The following STAG2 variants were observed in gnomAD, a reference collection of about 807,000 sequenced individuals.
STAG2 encodes cohesin subunit SA-2.
In STAG2, 14 loss-of-function variants were observed where a neutral mutation model predicts 108.1. The ratio of observed to expected loss-of-function variants is 0.13; its 90% confidence interval spans 0.09 to 0.20. STAG2 has a LOEUF of 0.20. Ranked by LOEUF, STAG2 falls within the 10% of genes least tolerant of loss-of-function variation. The pLI, the probability that STAG2 is intolerant of heterozygous loss-of-function variation, is 1.00. For missense variants in STAG2, 440 were observed against 940.9 expected (o/e 0.47, Z 6.96); for synonymous variants, 307 against 302.7 (o/e 1.01, Z -0.15).
At chrX:124,044,066 A>G (rs903703601) in intron 7 of STAG2, among the ~76,000 whole-genome samples, 1 of 111,148 alleles carries the variant, frequency 9.0e-6, no homozygotes, top group South Asian at 3.7e-4. Context: ...ATTCTAAAAG[A>G]TAGATGAGTT....
At chrX:124,050,634 TAAA>T (rs59817792) in intron 11 of STAG2, among the ~76,000 whole-genome samples, 3 of 108,767 alleles carry the variant, frequency 2.8e-5, no homozygotes, top group Non-Finnish European at 5.8e-5. Context: ...GCTATATACT[TAAA>T]AAAAAAATTA....
chrX:124,038,311 G>A (rs866170223), intron 6 of STAG2, among the ~76,000 whole-genome samples: 1 of 110,245 alleles, frequency 9.1e-6, no homozygotes, highest in Admixed American at 9.7e-5. Context: ...TCAAGATTAC[G>A]GGCAGGTTCT....
intron 13 of STAG2, among the ~76,000 whole-genome samples, chrX:124,053,231 A>G (rs894852541): frequency 8.9e-6 from 1 of 112,589 alleles, no homozygotes; most frequent in Admixed American, 9.4e-5. Flanking sequence ...GAGAGAGTTA[A>G]AAATCAGAGC....
intron 1 of STAG2, among the ~76,000 whole-genome samples, chrX:123,986,179 A>G (rs1200789937): frequency 9.3e-6 from 1 of 107,392 alleles, no homozygotes; most frequent in Non-Finnish European, 1.9e-5. Context: ...TGTGATACAT[A>G]TATGATATAT....
chrX:123,980,419 A>G (rs181659959), intron 1 of STAG2, among the ~76,000 whole-genome samples: 5 of 111,945 alleles, frequency 4.5e-5, no homozygotes, highest in Non-Finnish European at 7.5e-5. Context: ...CATACAATCC[A>G]TAAGCATCTC....
At chrX:124,063,808 A>G (rs775550627) in intron 19 of STAG2, 40 bp from the exon 20 acceptor site, 10 of 1,151,756 alleles carry the variant, frequency 8.7e-6, no homozygotes, top group Non-Finnish European at 4.7e-6. Context: ...TACCTATCAT[A>G]TATGCCTTAG....
At chrX:124,096,494 T>TTA (rs2059382587) in intron 34 of STAG2, among the ~76,000 whole-genome samples, 1 of 111,574 alleles carries the variant, frequency 9.0e-6, no homozygotes, top group African/African-American at 3.3e-5. Flanking sequence ...TCTCTCCTTC[T>TTA]TTAACTGTTT....
At chrX:123,972,568 G>A (rs181816461) in intron 1 of STAG2, among the ~76,000 whole-genome samples, 2 of 110,045 alleles carry the variant, frequency 1.8e-5, no homozygotes, top group East Asian at 5.8e-4. Flanking sequence ...ACCGCGCCCG[G>A]CCAATTTTTA....
At chrX:123,979,314 G>T (rs2054766896) in intron 1 of STAG2, among the ~76,000 whole-genome samples, 1 of 110,935 alleles carries the variant, frequency 9.0e-6, no homozygotes, top group Non-Finnish European at 1.9e-5. Context: ...ACATTTACAT[G>T]AGTTGTCTCT....
chrX:123,984,793 A>G (rs2055087071), intron 1 of STAG2, among the ~76,000 whole-genome samples: 2 of 110,000 alleles, frequency 1.8e-5, no homozygotes, highest in Non-Finnish European at 3.8e-5. Flanking sequence ...ACACGCCACC[A>G]CACCTGGTTC....
At chrX:124,005,276 G>C in intron 1 of STAG2, among the ~76,000 whole-genome samples, 1 of 111,665 alleles carries the variant, frequency 9.0e-6, no homozygotes, top group Non-Finnish European at 1.9e-5. Context: ...GATCTTGCTA[G>C]TTATACATGG....
In STAG2 at chrX:124,045,467, T is replaced by G. The variant is rs1049863369; in HGVS notation, c.667+99T>G. 5.1e-6 allele frequency: 4 copies of G among 791,912 alleles called. No individual in the cohort carries two copies. In the African/African-American group the frequency reaches 6.3e-5, roughly 13 times the overall value. 65.3% of individuals were successfully genotyped at this position (791,912 alleles called of 1,213,427 possible). On this transcript the variant is annotated intron_variant, in intron 8 of 34. Transcript: ENST00000371145. ...GAAATAACAGAGATACAAATTAATT[T>G]TATTTATAAAGTGACCACTAAGAGG...
chrX:124,059,799 T>A (rs1232710797), intron 15 of STAG2, among the ~76,000 whole-genome samples: 1 of 111,116 alleles, frequency 9.0e-6, no homozygotes, highest in Non-Finnish European at 1.9e-5. Flanking sequence ...TAGCTCCGAC[T>A]ACAACTTCGT....
chrX:123,991,956 C>T (rs186868419), intron 1 of STAG2, among the ~76,000 whole-genome samples: 5 of 113,121 alleles, frequency 4.4e-5, no homozygotes, highest in African/African-American at 9.6e-5. Context: ...TGAGCAACGA[C>T]GCCTGGCCAC....
chrX:124,022,453 T>C (rs1359158352), intron 2 of STAG2, 78 bp from the exon 3 acceptor site: 7 of 393,023 alleles, frequency 1.8e-5, no homozygotes, highest in Non-Finnish European at 2.6e-5. Context: ...CACTGGGGAA[T>C]TTAACTTTTG....
Position 124,021,398 on chromosome X carries a change from T to C in STAG2, c.-131T>C, listed in dbSNP as rs1297508576. 1 of 111,733 alleles carries C rather than the reference T, an allele frequency of 8.9e-6. No individual in the cohort carries two copies. Among genetic ancestry groups the C allele is most frequent in the East Asian group, 2.8e-4 (1 of 3,599 alleles). The allele number at this position is 111,733 out of a possible 1,213,427, so 9.2% of individuals were successfully genotyped here. A position where few individuals can be genotyped will look rare whatever the true frequency, so the allele number is the denominator to read the frequency against. On this transcript the variant is annotated 5_prime_UTR_variant, in exon 2 of 35. Coordinates refer to ENST00000371145, the MANE Select transcript of STAG2 (RefSeq NM_001042750.2). ...ACCGAGTACTAAATTCACTTGGGAA[T>C]AAAAGAAAAACATAAGAAAATTATA...
At chrX:124,074,386 G>C (rs965474202) in intron 25 of STAG2, among the ~76,000 whole-genome samples, 1 of 112,553 alleles carries the variant, frequency 8.9e-6, no homozygotes, top group Admixed American at 9.4e-5. Flanking sequence ...TTAAAATAGC[G>C]TTACAACAAA....
chrX:123,989,689 C>T (rs2055356001), intron 1 of STAG2, among the ~76,000 whole-genome samples: 1 of 106,640 alleles, frequency 9.4e-6, no homozygotes, highest in African/African-American at 3.4e-5. Context: ...ACTGCAACCT[C>T]CGCCTCCCGT....
At chrX:124,085,955 T>C (rs957189589) in intron 29 of STAG2, among the ~76,000 whole-genome samples, 1 of 111,167 alleles carries the variant, frequency 9.0e-6, no homozygotes, top group Non-Finnish European at 1.9e-5. Context: ...AATTGACAAA[T>C]AGTTGTCTTT....
Sources: gnomAD v4.1 joint callset for allele counts (sites outside exome capture counted in the v4.1 genomes callset) on GRCh38, gnomAD v4.1.1 for gene constraint, MANE v1.5 for transcripts, NCBI Gene and HGNC (gene_info 2026-07-23, HGNC 2026-07-21) for gene names.